DLX3: variants seen among roughly 807,000 people sequenced by gnomAD.
DLX3 encodes the protein homeobox protein DLX-3.
In DLX3, 9 loss-of-function variants were observed where a neutral mutation model predicts 28.0. That is an observed-to-expected ratio of 0.32 (90% CI 0.19 to 0.56). DLX3 has a LOEUF of 0.56. Ranked by LOEUF, DLX3 falls within the 20% of genes least tolerant of loss-of-function variation. The probability of loss-of-function intolerance (pLI) is 0.91; values close to 1 mark genes in which losing one functional copy is unlikely to be tolerated. For synonymous variants in DLX3, 154 were observed against 167.9 expected (o/e 0.92, Z 0.64); for missense variants, 313 against 378.2 (o/e 0.83, Z 1.43).
chr17:49,991,782 T>C lies in DLX3; in HGVS notation c.599A>G (p.Asn200Ser), dbSNP rs200085639. The C allele has an allele frequency of 4.8e-5, 78 of 1,614,082 alleles. No homozygotes were observed. In the Middle Eastern group the frequency reaches 5.0e-4, roughly 10 times the overall value. Residue 200 changes from asparagine to serine, a missense_variant, in exon 3 of 3, where the codon AAT becomes AGT. Asn to Ser is a conservative substitution (Grantham distance 46). Transcript: ENST00000434704. Reference sequence around the variant, plus strand: ...GTTGCAGGCCATGGAATCACTGTTATTGGGACTGTGCTCCAGCGGCACCTC... The same window carrying C: ...GTTGCAGGCCATGGAATCACTGTTACTGGGACTGTGCTCCAGCGGCACCTC... ...NGEVPLEHSP[N>S]NSDSMACNSP...
Position 49,990,502 on chromosome 17 carries a change from A to G in DLX3, c.*1015T>C, listed in dbSNP as rs953727913. The stretch of plus-strand genomic sequence containing the variant: ...AGTTCTAACTCTCCCCTCCTCTCCC[A>G]TACACCTCACCCGACATTCTCCAGC... On this transcript the variant is annotated 3_prime_UTR_variant, in exon 3 of 3. Coordinates refer to ENST00000434704, the MANE Select transcript of DLX3 (RefSeq NM_005220.3). 6.6e-6 allele frequency: 1 copy of G among 152,464 alleles called. No homozygotes were observed. Among genetic ancestry groups the G allele is most frequent in the Non-Finnish European group, 1.5e-5 (1 of 68,008 alleles). The allele number at this position is 152,464 out of a possible 1,614,324, so 9.4% of individuals were successfully genotyped here.
At position 49,995,068 on chromosome 17, in the gene DLX3, G is replaced by C. The variant is rs554800240; in HGVS notation, c.-70C>G. The C allele has an allele frequency of 2.7e-5, 42 of 1,557,060 alleles. No individual in the cohort carries two copies. Among genetic ancestry groups the C allele is most frequent in the Non-Finnish European group, 3.6e-5 (41 of 1,153,160 alleles). On this transcript the variant is annotated 5_prime_UTR_variant, in exon 1 of 3. Coordinates refer to ENST00000434704, the MANE Select transcript of DLX3 (RefSeq NM_005220.3). ...CAGGAACGGACCGGAGTGCGAGAGAGGCGGAAGAGACGAGGCAGGGGTGTG... is the reference window on the plus strand; with the variant it reads ...CAGGAACGGACCGGAGTGCGAGAGACGCGGAAGAGACGAGGCAGGGGTGTG...
intron 2 of DLX3, among the ~76,000 whole-genome samples, chr17:49,992,350 C>T (rs1007434270): frequency 1.3e-5 from 2 of 152,134 alleles, no homozygotes; most frequent in Non-Finnish European, 2.9e-5. Context: ...CAAACACACC[C>T]ACATACACAT....
Position 49,995,154 on chromosome 17 carries a change from C to T in DLX3, c.-156G>A. The T allele has an allele frequency of 1.1e-6, 1 of 908,892 alleles. No individual in the cohort carries two copies. The highest frequency in any genetic ancestry group is 1.7e-6 in the Non-Finnish European group (1 of 584,254). 56.3% of individuals were successfully genotyped at this position (908,892 alleles called of 1,614,324 possible). A position where few individuals can be genotyped will look rare whatever the true frequency, so the allele number is the denominator to read the frequency against. ...GGGGGGAGGGGGAGGCCGAGAGGCG[C>T]TTACACCATTGCCTGCCGTCAGGCG... On this transcript the variant is annotated 5_prime_UTR_variant, in exon 1 of 3. Transcript: ENST00000434704.
In DLX3 at chr17:49,993,465, C is replaced by A; in HGVS notation, c.451G>T (p.Ala151Ser). 2 of 1,612,116 alleles carry A rather than the reference C, an allele frequency of 1.2e-6. No individual in the cohort carries two copies. Among genetic ancestry groups the A allele is most frequent in the South Asian group, 1.1e-5 (1 of 90,918 alleles). The stretch of plus-strand genomic sequence containing the variant: ...CGCTCGGGCAGCGCCAGGTACTGGG[C>A]CTTCTGGAAGCGGCGCTGCAGGGCG... The part of the protein sequence containing the change: ...LAALQRRFQK[A>S]QYLALPERAE... Residue 151 changes from alanine to serine, a missense_variant, in exon 2 of 3, where the codon GCC becomes TCC. This residue lies in a region of DLX3 where 183 missense variants were observed against 197.7 expected (regional missense o/e 0.93). Coordinates refer to ENST00000434704, the MANE Select transcript of DLX3 (RefSeq NM_005220.3).
chr17:49,994,576 TAGA>T, intron 1 of DLX3, 95 bp downstream of exon 1: 1 of 1,393,844 alleles, frequency 7.2e-7, no homozygotes, highest in Non-Finnish European at 1.0e-6. Context: ...GTACTTTTCT[TAGA>T]AGTTTTCCTA....
At chr17:49,991,953 A>G in intron 2 of DLX3, 89 bp from the exon 3 acceptor site, 1 of 1,318,448 alleles carries the variant, frequency 7.6e-7, no homozygotes, top group Middle Eastern at 2.5e-4. Context: ...AAGAAAGGCC[A>G]GAACCCAATT....
In DLX3 at chr17:49,993,607, G is replaced by C. The variant is rs750307410; in HGVS notation, c.326-17C>G. On this transcript the variant is annotated splice_polypyrimidine_tract_variant and intron_variant, in intron 1 of 2. Transcript: ENST00000434704. ...TCACCGACACTGCGGGGAACGCACCGGGCGGAAGAGGGGGCGGTTCAGCCT... is the reference window on the plus strand; with the variant it reads ...TCACCGACACTGCGGGGAACGCACCCGGCGGAAGAGGGGGCGGTTCAGCCT... 7 of 1,611,548 alleles carry C rather than the reference G, an allele frequency of 4.3e-6. No individual in the cohort carries two copies. In the South Asian group the frequency reaches 7.7e-5, roughly 18 times the overall value.
Position 49,991,014 on chromosome 17 carries a change from A to G in DLX3, c.*503T>C, listed in dbSNP as rs1906065636. 1 of 161,278 alleles carries G rather than the reference A, an allele frequency of 6.2e-6. No individual in the cohort carries two copies. Among genetic ancestry groups the G allele is most frequent in the Admixed American group, 5.7e-5 (1 of 17,588 alleles). 10.0% of individuals were successfully genotyped at this position (161,278 alleles called of 1,614,324 possible). On this transcript the variant is annotated 3_prime_UTR_variant, in exon 3 of 3. Transcript: ENST00000434704. ...ACCCGGAGTCCTCGTCATGATGTCCACTGTCTTATTGGCCGAGGGGCCGCT... is the reference window on the plus strand; with the variant it reads ...ACCCGGAGTCCTCGTCATGATGTCCGCTGTCTTATTGGCCGAGGGGCCGCT...
chr17:49,994,902 G>T lies in DLX3; in HGVS notation c.97C>A (p.Pro33Thr), dbSNP rs757430047. 1.4e-5 allele frequency: 23 copies of T among 1,614,200 alleles called. No homozygotes were observed. Among genetic ancestry groups the T allele is most frequent in the Non-Finnish European group, 1.6e-5 (19 of 1,180,046 alleles). Reference sequence around the variant, plus strand: ...CCCAGGTCAGTGACAGAAGACTCGGGCAGGGTAGGCGAGTCCTTGGAGCCC... The same window carrying T: ...CCCAGGTCAGTGACAGAAGACTCGGTCAGGGTAGGCGAGTCCTTGGAGCCC... The part of the protein sequence containing the change: ...HAGSKDSPTL[P>T]ESSVTDLGYY... The change falls in exon 1 of 3, where the codon CCC (proline) becomes ACC (threonine). Residue 33 changes from proline to threonine, a missense_variant. Physicochemically the swap from Pro to Thr is conservative, Grantham distance 38. Transcript: ENST00000434704.
At chr17:49,994,560 C>T in intron 1 of DLX3, 114 bp downstream of exon 1, 1 of 1,272,008 alleles carries the variant, frequency 7.9e-7, no homozygotes, top group Non-Finnish European at 1.1e-6. Flanking sequence ...TCTCTAACTC[C>T]AGACAGTACT....
At chr17:49,993,725 G>A in intron 1 of DLX3, 135 bp from the exon 2 acceptor site, 4 of 1,017,736 alleles carry the variant, frequency 3.9e-6, no homozygotes, top group Non-Finnish European at 5.5e-6. Context: ...CGCGCGCTCC[G>A]CTGCCCGCGG....
At chr17:49,992,946 G>A (rs1906143135) in intron 2 of DLX3, among the ~76,000 whole-genome samples, 1 of 152,146 alleles carries the variant, frequency 6.6e-6, no homozygotes, top group Non-Finnish European at 1.5e-5. Context: ...CATTCAGGGC[G>A]CACAGTCACA....
chr17:49,991,767 A>G lies in DLX3; in HGVS notation c.614T>C (p.Met205Thr), dbSNP rs1225161834. Reference protein sequence around the residue: ...LEHSPNNSDSMACNSPPSPAL... With the variant: ...LEHSPNNSDSTACNSPPSPAL... ...GGGTGATGGTGGTGAGTTGCAGGCCATGGAATCACTGTTATTGGGACTGTG... is the reference window on the plus strand; with the variant it reads ...GGGTGATGGTGGTGAGTTGCAGGCCGTGGAATCACTGTTATTGGGACTGTG... Residue 205 changes from methionine to threonine, a missense_variant, in exon 3 of 3, where the codon ATG becomes ACG. Transcript: ENST00000434704. 3 of 1,613,924 alleles carry G rather than the reference A, an allele frequency of 1.9e-6. No homozygotes were observed. Among genetic ancestry groups the G allele is most frequent in the African/African-American group, 1.3e-5 (1 of 74,866 alleles).
Position 49,990,137 on chromosome 17 carries a change from C to T in DLX3, c.*1380G>A, listed in dbSNP as rs1468776941. ...GGGTGGGACTCTTGGAGACCTACCA[C>T]GTCTCTCTTGGCCCCTGCACCTCCC... On this transcript the variant is annotated 3_prime_UTR_variant, in exon 3 of 3. Transcript: ENST00000434704. 2 of 152,416 alleles carry T rather than the reference C, an allele frequency of 1.3e-5. No individual in the cohort carries two copies. The highest frequency in any genetic ancestry group is 2.1e-4 in the South Asian group (1 of 4,824). 9.4% of individuals were successfully genotyped at this position (152,416 alleles called of 1,614,324 possible).
chr17:49,993,570 C>T lies in DLX3; in HGVS notation c.346G>A (p.Glu116Lys). 1 of 1,613,646 alleles carries T rather than the reference C, an allele frequency of 6.2e-7. No homozygotes were observed. Among genetic ancestry groups the T allele is most frequent in the Non-Finnish European group, 8.5e-7 (1 of 1,179,706 alleles). ...QDPVSVKEEP[E>K]AEVRMVNGKP... Reference sequence around the variant, plus strand: ...CCATTCACCATGCGCACCTCTGCTTCCGGCTCCTCCTTCACCGACACTGCG... The same window carrying T: ...CCATTCACCATGCGCACCTCTGCTTTCGGCTCCTCCTTCACCGACACTGCG... The change falls in exon 2 of 3, where the codon GAA (glutamate) becomes AAA (lysine). Residue 116 changes from glutamate (E) to lysine (K), a missense_variant. Glu to Lys is a moderately conservative substitution (Grantham distance 56, BLOSUM62 1). This residue lies in a region of DLX3 where 183 missense variants were observed against 197.7 expected (regional missense o/e 0.93). Coordinates refer to ENST00000434704, the MANE Select transcript of DLX3 (RefSeq NM_005220.3).
intron 2 of DLX3, 107 bp from the exon 3 acceptor site, chr17:49,991,971 A>C: frequency 8.8e-7 from 1 of 1,137,574 alleles, no homozygotes; most frequent in Admixed American, 2.0e-5. Flanking sequence ...ATTTCACATA[A>C]GAATCAGGCA....
chr17:49,990,494 C>T lies in DLX3; in HGVS notation c.*1023G>A, dbSNP rs1308474279. The T allele has an allele frequency of 6.6e-6, 1 of 152,526 alleles. No homozygotes were observed. The highest frequency in any genetic ancestry group is 1.5e-5 in the Non-Finnish European group (1 of 68,046). The allele number at this position is 152,526 out of a possible 1,614,324, so 9.4% of individuals were successfully genotyped here. A position where few individuals can be genotyped will look rare whatever the true frequency, so the allele number is the denominator to read the frequency against. ...AAGGCACAAGTTCTAACTCTCCCCT[C>T]CTCTCCCATACACCTCACCCGACAT... On this transcript the variant is annotated 3_prime_UTR_variant, in exon 3 of 3. Coordinates refer to ENST00000434704, the MANE Select transcript of DLX3 (RefSeq NM_005220.3).
At chr17:49,992,447 A>T (rs1437751768) in intron 2 of DLX3, among the ~76,000 whole-genome samples, 2 of 152,064 alleles carry the variant, frequency 1.3e-5, no homozygotes, top group African/African-American at 2.4e-5. Context: ...ACACCCAGAT[A>T]AGCACCCCAC....
Sources: allele counts gnomAD v4.1 joint callset (sites outside exome capture counted in the v4.1 genomes callset), GRCh38; gene constraint gnomAD v4.1.1; regional missense constraint gnomAD v4.1.1; transcripts MANE v1.5; gene names NCBI Gene and HGNC (gene_info 2026-07-23, HGNC 2026-07-21).